STK32A: variants seen among roughly 807,000 people sequenced by gnomAD.
STK32A encodes the protein serine/threonine-protein kinase 32A.
In STK32A, 41 loss-of-function variants were observed where a neutral mutation model predicts 53.2. The ratio of observed to expected loss-of-function variants is 0.77; its 90% CI spans 0.60 to 1.00. STK32A has a LOEUF of 1.00. STK32A is among the 50% of genes least tolerant of loss of function. The probability of loss-of-function intolerance (pLI) is 0.00; values close to 1 mark genes in which losing one functional copy is unlikely to be tolerated. For missense variants in STK32A, 458 were observed against 485.8 expected (o/e 0.94, Z 0.54); for synonymous variants, 166 against 162.8 (o/e 1.02, Z -0.15).
chr5:147,328,775 A>G (rs1230738803), intron 5 of STK32A, among the ~76,000 whole-genome samples: 1 of 152,204 alleles, frequency 6.6e-6, no homozygotes. Context: ...CAGCCTCTCC[A>G]ATGAACAATC....
At chr5:147,360,233 T>C (rs1034397388) in intron 7 of STK32A, among the ~76,000 whole-genome samples, 2 of 151,888 alleles carry the variant, frequency 1.3e-5, no homozygotes, top group African/African-American at 4.8e-5. Context: ...GTGGATCACC[T>C]AAGCCCAGGA....
chr5:147,399,213 T>C, the STK32A span: 1 of 1,614,212 alleles, frequency 6.2e-7, no homozygotes, highest in Non-Finnish European at 8.5e-7. Flanking sequence ...TTTGTGCTTG[T>C]CACAGCCACG....
chr5:147,401,604 C>T, the STK32A span: 6 of 1,613,872 alleles, frequency 3.7e-6, no homozygotes, highest in South Asian at 6.6e-5. Context: ...GGGGATGTCA[C>T]AAATGCAGCC....
chr5:147,340,454 A>G (rs1445270786), intron 5 of STK32A, among the ~76,000 whole-genome samples: 3 of 152,236 alleles, frequency 2.0e-5, no homozygotes, highest in Admixed American at 1.3e-4. Context: ...TTACTTGAGA[A>G]GACTGAAAAG....
intron 8 of STK32A, 55 bp downstream of exon 8, chr5:147,361,669 A>G: frequency 7.9e-7 from 1 of 1,269,954 alleles, no homozygotes; most frequent in African/African-American, 1.5e-5. Flanking sequence ...CTATTTTAGA[A>G]TGAAAGAATG....
intron 4 of STK32A, among the ~76,000 whole-genome samples, chr5:147,294,840 C>T (rs1362581792): frequency 1.3e-5 from 2 of 152,048 alleles, no homozygotes; most frequent in Non-Finnish European, 2.9e-5. Flanking sequence ...TGTGCCACCA[C>T]ACCTGGCTAT....
intron 4 of STK32A, among the ~76,000 whole-genome samples, chr5:147,284,691 C>CAAAAAAAA (rs1401748709): frequency 3.3e-5 from 2 of 61,404 alleles, no homozygotes; most frequent in Non-Finnish European, 7.2e-5. Flanking sequence ...CAAAACAAGA[C>CAAAAAAAA]AAAACAAAAA....
intron 5 of STK32A, among the ~76,000 whole-genome samples, chr5:147,341,932 G>C (rs1043592555): frequency 3.9e-5 from 6 of 152,156 alleles, no homozygotes; most frequent in Non-Finnish European, 8.8e-5. Flanking sequence ...GAAGGGAGTA[G>C]TCTGGTGGTT....
intron 9 of STK32A, among the ~76,000 whole-genome samples, chr5:147,371,946 A>G (rs1581149084): frequency 1.3e-5 from 2 of 152,288 alleles, no homozygotes; most frequent in Middle Eastern, 6.8e-3. Flanking sequence ...ACATAACACT[A>G]TCTTTCCTTC....
At chr5:147,296,298 A>G (rs1752862013) in intron 4 of STK32A, among the ~76,000 whole-genome samples, 1 of 152,036 alleles carries the variant, frequency 6.6e-6, no homozygotes, top group South Asian at 2.1e-4. Flanking sequence ...GAAGTAAAGT[A>G]CACTTGGAAG....
chr5:147,260,704 C>G (rs1243601169), intron 2 of STK32A, among the ~76,000 whole-genome samples: 2 of 152,158 alleles, frequency 1.3e-5, no homozygotes, highest in Non-Finnish European at 2.9e-5. Context: ...CTCGTTCTGT[C>G]CTCTCTGGCC....
chr5:147,308,805 G>A (rs1399075566), intron 4 of STK32A, among the ~76,000 whole-genome samples: 2 of 151,268 alleles, frequency 1.3e-5, no homozygotes, highest in Non-Finnish European at 2.9e-5. Flanking sequence ...TCTATTGTGA[G>A]TGAAGCAAGT....
At chr5:147,360,911 GC>G (rs1452031299) in intron 7 of STK32A, among the ~76,000 whole-genome samples, 1 of 152,140 alleles carries the variant, frequency 6.6e-6, no homozygotes, top group African/African-American at 2.4e-5. Flanking sequence ...CTGTAGCTCT[GC>G]CTTCCACTGG....
chr5:147,251,923 C>G (rs956892548), intron 2 of STK32A, among the ~76,000 whole-genome samples: 1 of 152,102 alleles, frequency 6.6e-6, no homozygotes, highest in Non-Finnish European at 1.5e-5. Context: ...TCATTATGAG[C>G]CAGGTGAAGT....
chr5:147,248,656 G>A (rs1274417798), intron 2 of STK32A, among the ~76,000 whole-genome samples: 1 of 152,094 alleles, frequency 6.6e-6, no homozygotes, highest in Non-Finnish European at 1.5e-5. Context: ...TCTGACTTCT[G>A]AGCAAATCCA....
intron 5 of STK32A, among the ~76,000 whole-genome samples, chr5:147,329,074 A>C (rs747663231): frequency 6.6e-6 from 1 of 152,214 alleles, no homozygotes; most frequent in African/African-American, 2.4e-5. Flanking sequence ...AAGTAATTAC[A>C]GTACAACAGA....
the STK32A span, chr5:147,397,881 G>T: frequency 1.7e-6 from 2 of 1,198,770 alleles, no homozygotes; most frequent in South Asian, 1.6e-5. Flanking sequence ...CCACAGTAAG[G>T]GTAGAGAAAG....
the STK32A span, among the ~76,000 whole-genome samples, chr5:147,397,091 A>G: frequency 6.8e-6 from 1 of 148,144 alleles, no homozygotes; most frequent in African/African-American, 2.4e-5. Context: ...TAATACATAT[A>G]TTGTAAATAT....
intron 2 of STK32A, among the ~76,000 whole-genome samples, chr5:147,261,072 C>A (rs35416734): frequency 3.3e-5 from 5 of 151,830 alleles, no homozygotes; most frequent in African/African-American, 1.2e-4. Context: ...GGTTATTCCT[C>A]GCACTGGGTG....
Sources: gnomAD v4.1 joint callset for allele counts (sites outside exome capture counted in the v4.1 genomes callset) on GRCh38, gnomAD v4.1.1 for gene constraint, MANE v1.5 for transcripts, NCBI Gene and HGNC (gene_info 2026-07-23, HGNC 2026-07-21) for gene names.